Variants in VWA3B observed in about 807,000 individuals in gnomAD.
The protein encoded by VWA3B is von Willebrand factor A domain containing 3B, also known as von Willebrand factor A domain-containing protein 3B.
In VWA3B, 138 loss-of-function variants were observed where a neutral mutation model predicts 158.3. That is an observed-to-expected ratio of 0.87 (90% CI 0.76 to 1.00). The LOEUF is 1.00. VWA3B is among the 50% of genes least tolerant of loss of function. The probability of loss-of-function intolerance (pLI) is 0.00; values close to 1 mark genes in which losing one functional copy is unlikely to be tolerated. For synonymous variants in VWA3B, 596 were observed against 587.3 expected, an observed-to-expected ratio of 1.01 and a Z score of -0.21; for missense variants, 1,555 against 1,565.1, an observed-to-expected ratio of 0.99 and a Z score of 0.11.
chr2:98,302,418 A>G (rs1357185926), intron 25 of VWA3B, among the ~76,000 whole-genome samples: 1 of 152,194 alleles, frequency 6.6e-6, no homozygotes, highest in African/African-American at 2.4e-5. Context: ...TGTTTTTTAA[A>G]TTACTTGAAT....
At chr2:98,249,431 A>G (rs2105796673) in intron 19 of VWA3B, among the ~76,000 whole-genome samples, 1 of 152,324 alleles carries the variant, frequency 6.6e-6, no homozygotes, top group Middle Eastern at 3.4e-3. Context: ...GGAGGGTTTC[A>G]ATTCTAGAGA....
rs556409424 is a variant in VWA3B, at chr2:98,251,045, CTG to C, written c.2792+612_2792+613del. Among the ~76,000 whole-genome samples, 57 of 152,166 alleles carry C rather than the reference CTG, an allele frequency of 3.7e-4. No individual in the cohort carries two copies. The South Asian group carries it at 0.011, about 30-fold the overall frequency. ...CTCAGGAGTTGGAGGCTGCAGTGAA[CTG>C]TGATTGCACCACTGCACTCCAGCCT... On this transcript the variant is annotated intron_variant, in intron 20 of 27. Transcript: ENST00000477737.
intron 7 of VWA3B, among the ~76,000 whole-genome samples, chr2:98,151,329 C>G (rs557952163): frequency 6.6e-6 from 1 of 152,190 alleles, no homozygotes; most frequent in Non-Finnish European, 1.5e-5. Flanking sequence ...CCAGGCTGGT[C>G]TCTTACCTTT....
intron 26 of VWA3B, among the ~76,000 whole-genome samples, chr2:98,307,525 G>A (rs908726540): frequency 2.0e-5 from 3 of 152,244 alleles, no homozygotes; most frequent in Non-Finnish European, 4.4e-5. Flanking sequence ...AAGCTTGCCA[G>A]GGCAAATATT....
At chr2:98,288,644 T>C (rs1689307028) in intron 22 of VWA3B, among the ~76,000 whole-genome samples, 1 of 152,198 alleles carries the variant, frequency 6.6e-6, no homozygotes, top group Admixed American at 6.5e-5. Flanking sequence ...TATTTTATGA[T>C]TTGCTATATT....
At position 98,218,028 on chromosome 2, in the gene VWA3B, G is replaced by A. The variant is rs1386915716; in HGVS notation, c.2019G>A (p.Gln673=). The A allele has an allele frequency of 1.9e-5, 31 of 1,602,812 alleles. No individual in the cohort carries two copies. The highest frequency in any genetic ancestry group is 2.6e-5 in the Non-Finnish European group (31 of 1,175,790). The change falls in exon 14 of 28, where the codon CAG becomes CAA. Residue 673 remains glutamine, a splice_region_variant and synonymous_variant. Coordinates refer to ENST00000477737, the MANE Select transcript of VWA3B (RefSeq NM_144992.5). ...CKDPTPPEAV[Q]NEDLTLLVKE... ...ATCCCACTCCCCCAGAGGCTGTTCA[G>A]GTAAGAGCTTGGTGGGCTAAGAAGG...
rs147999733 is a variant in VWA3B, at chr2:98,122,499, T to A, written c.702+1041T>A. 1.9e-3 allele frequency among the ~76,000 whole-genome samples: 285 copies of A among 152,334 alleles called. 2 individuals carry two copies. Among genetic ancestry groups the A allele is most frequent in the African/African-American group, 6.7e-3 (279 of 41,574 alleles). On this transcript the variant is annotated intron_variant, in intron 5 of 27. Coordinates refer to ENST00000477737, the MANE Select transcript of VWA3B (RefSeq NM_144992.5). ...TTCCTTCCAAGGCCAAAAGAACAAA[T>A]GTTTTCCATTAAAGAAGAACCAGAT...
rs555489618 is a variant in VWA3B, at chr2:98,228,547, C to G, written c.2150+215C>G. Among the ~76,000 whole-genome samples the G allele has an allele frequency of 1.8e-4, 27 of 152,142 alleles. No homozygotes were observed. In the South Asian group the frequency reaches 4.2e-3, roughly 23 times the overall value. ...TGGGCTTGAGGAGGCCACATATTCC[C>G]CTTTATGTTCTCCACGCTGTGTGGA... On this transcript the variant is annotated intron_variant, in intron 15 of 27. Transcript: ENST00000477737.
intron 16 of VWA3B, among the ~76,000 whole-genome samples, chr2:98,233,665 T>C (rs761806965): frequency 1.1e-4 from 17 of 152,352 alleles, no homozygotes; most frequent in Non-Finnish European, 2.1e-4. Flanking sequence ...TCCTTCTCTA[T>C]GCATGGAGAC....
intron 26 of VWA3B, among the ~76,000 whole-genome samples, chr2:98,309,014 A>G (rs527253429): frequency 4.3e-4 from 65 of 152,136 alleles, no homozygotes; most frequent in African/African-American, 1.5e-3. Context: ...TCTACTAAAA[A>G]TACAAAAATT....
chr2:98,185,766 T>G (rs1368621216), intron 9 of VWA3B, among the ~76,000 whole-genome samples: 1 of 152,218 alleles, frequency 6.6e-6, no homozygotes, highest in African/African-American at 2.4e-5. Flanking sequence ...TGGCTGTCTC[T>G]CCACTCGTTT....
In VWA3B at chr2:98,236,417, G is replaced by T. The variant is rs998915020; in HGVS notation, c.2456G>T (p.Trp819Leu). ...KEMSILLAEEWLDDKSSEKVT... is the reference protein window; with the variant it reads ...KEMSILLAEELLDDKSSEKVT... ...ATGAGCATCTTGCTGGCTGAGGAGT[G>T]GCTGGATGACAAATCGTCAGAAAAG... Residue 819 changes from tryptophan (W) to leucine (L), a missense_variant, in exon 18 of 28, where the codon TGG becomes TTG. Coordinates refer to ENST00000477737, the MANE Select transcript of VWA3B (RefSeq NM_144992.5). 1.4e-5 allele frequency: 22 copies of T among 1,614,072 alleles called. No homozygotes were observed. Among genetic ancestry groups the T allele is most frequent in the Non-Finnish European group, 1.7e-5 (20 of 1,180,036 alleles).
chr2:98,309,410 G>A (rs1352917214), intron 26 of VWA3B, among the ~76,000 whole-genome samples: 1 of 152,156 alleles, frequency 6.6e-6, no homozygotes, highest in Non-Finnish European at 1.5e-5. Flanking sequence ...ACATGGCTAT[G>A]TATGAGTCGG....
chr2:98,138,462 G>T (rs144039591), intron 7 of VWA3B, among the ~76,000 whole-genome samples: 3 of 152,292 alleles, frequency 2.0e-5, no homozygotes, highest in Admixed American at 6.5e-5. Context: ...GAGCTCGCCC[G>T]TATTTTCTTA....
intron 12 of VWA3B, among the ~76,000 whole-genome samples, chr2:98,211,429 C>T (rs972079532): frequency 3.9e-5 from 6 of 152,114 alleles, no homozygotes; most frequent in African/African-American, 7.2e-5. Flanking sequence ...GTGTTTACTA[C>T]GATTTGAGAG....
chr2:98,206,558 C>T (rs1683042498), intron 12 of VWA3B: 1 of 494,046 alleles, frequency 2.0e-6, no homozygotes, highest in Non-Finnish European at 4.0e-6. Context: ...TCCTGTTGGT[C>T]CTGAGACTTT....
chr2:98,253,354 C>T (rs552744779), intron 20 of VWA3B, among the ~76,000 whole-genome samples: 2 of 152,252 alleles, frequency 1.3e-5, no homozygotes, highest in Non-Finnish European at 2.9e-5. Flanking sequence ...AGCTCACAGT[C>T]CTTTGGTCAA....
Position 98,167,764 on chromosome 2 carries a change from G to A in VWA3B, c.1114+4788G>A, listed in dbSNP as rs189456502. ...GGGAAAGGGCCATTGGAAAGAATTA[G>A]AAGAAACGGGGCTTGGAATTCACAC... On this transcript the variant is annotated intron_variant, in intron 8 of 27. Coordinates refer to ENST00000477737, the MANE Select transcript of VWA3B (RefSeq NM_144992.5). Among the ~76,000 whole-genome samples, 285 of 152,306 alleles carry A rather than the reference G, an allele frequency of 1.9e-3. 2 individuals carry two copies. Among genetic ancestry groups the A allele is most frequent in the Non-Finnish European group, 1.7e-3 (113 of 68,020 alleles).
chr2:98,220,973 G>T (rs1684449260), intron 14 of VWA3B, among the ~76,000 whole-genome samples: 2 of 152,154 alleles, frequency 1.3e-5, no homozygotes, highest in African/African-American at 2.4e-5. Flanking sequence ...GCCTGTCGGG[G>T]GCGGGGCAGA....
Sources: allele counts gnomAD v4.1 joint callset (sites outside exome capture counted in the v4.1 genomes callset), GRCh38; gene constraint gnomAD v4.1.1; transcripts MANE v1.5; gene names NCBI Gene and HGNC (gene_info 2026-07-23, HGNC 2026-07-21).